Variants in TRIM46 observed in about 807,000 individuals in gnomAD.
TRIM46 encodes the protein tripartite motif-containing protein 46.
A neutral mutation model predicts 69.7 loss-of-function variants in TRIM46; 17 were observed. That is an observed-to-expected ratio of 0.24 (90% confidence interval 0.17 to 0.37). TRIM46 has a LOEUF of 0.37. Ranked by LOEUF, TRIM46 falls within the 10% of genes least tolerant of loss-of-function variation. The pLI, the probability that TRIM46 is intolerant of heterozygous loss-of-function variation, is 1.00. For synonymous variants in TRIM46, 391 were observed against 429.0 expected, an observed-to-expected ratio of 0.91 and a Z score of 1.09; for missense variants, 675 against 1,025.1, an observed-to-expected ratio of 0.66 and a Z score of 4.66.
chr1:155,176,122 C>A lies in TRIM46; in HGVS notation c.560C>A (p.Thr187Lys). ...PPPLEATKGC[T>K]ECRATFCNEC... ...CCACTAGAGGCCACCAAGGGCTGCA[C>A]AGAGTGCCGCGCCACCTTCTGCAAT... The change falls in exon 3 of 10, where the codon ACA becomes AAA. Residue 187 changes from threonine (T) to lysine (K), a missense_variant. By Grantham distance (78) the Thr-to-Lys change is moderately conservative. Coordinates refer to ENST00000334634, the MANE Select transcript of TRIM46 (RefSeq NM_025058.5). 6.2e-7 allele frequency: 1 copy of A among 1,614,126 alleles called. No homozygotes were observed. Among genetic ancestry groups the A allele is most frequent in the Non-Finnish European group, 8.5e-7 (1 of 1,180,010 alleles).
chr1:155,174,650 TG>T, intron 1 of TRIM46: 9 of 1,512,536 alleles, frequency 6.0e-6, no homozygotes, highest in Non-Finnish European at 7.9e-6. Context: ...AGGTGAGGTG[TG>T]GGGGTGGGGC....
At position 155,176,988 on chromosome 1, in the gene TRIM46, A is replaced by G. The variant is rs750279145; in HGVS notation, c.726A>G (p.Gln242=). Reference sequence around the variant, plus strand: ...TGACCCACTACTGCAAGACATGCCAACGCCTGGTATGTCAACTCTGCCGGG... The same window carrying G: ...TGACCCACTACTGCAAGACATGCCAGCGCCTGGTATGTCAACTCTGCCGGG... ...EEVTHYCKTC[Q]RLVCQLCRVR... The change falls in exon 4 of 10, where the codon CAA becomes CAG. Residue 242 remains glutamine, a synonymous_variant. Coordinates refer to ENST00000334634, the MANE Select transcript of TRIM46 (RefSeq NM_025058.5). 3 of 1,614,218 alleles carry G rather than the reference A, an allele frequency of 1.9e-6. No individual in the cohort carries two copies. The highest frequency in any genetic ancestry group is 1.6e-4 in the Middle Eastern group (1 of 6,062).
chr1:155,177,325 G>T (rs374574230), intron 5 of TRIM46, 35 bp downstream of exon 5: 21 of 1,561,234 alleles, frequency 1.3e-5, no homozygotes, highest in Non-Finnish European at 1.8e-5. Context: ...CCTGGGCCCT[G>T]CCTGGGAGTA....
chr1:155,177,023 C>T lies in TRIM46; in HGVS notation c.761C>T (p.Thr254Ile), dbSNP rs1372956244. The stretch of plus-strand genomic sequence containing the variant: ...TGTCAACTCTGCCGGGTGCGGCGCA[C>T]CCACAGCGGGCACAAGATCACACCA... Reference protein sequence around the residue: ...LVCQLCRVRRTHSGHKITPVL... With the variant: ...LVCQLCRVRRIHSGHKITPVL... Residue 254 changes from threonine to isoleucine, a missense_variant, in exon 4 of 10, where the codon ACC (threonine) becomes ATC (isoleucine). By Grantham distance (89) the Thr-to-Ile change is moderately conservative (BLOSUM62 -1). Transcript: ENST00000334634. 1.2e-6 allele frequency: 2 copies of T among 1,614,094 alleles called. No individual in the cohort carries two copies. The highest frequency in any genetic ancestry group is 1.7e-6 in the Non-Finnish European group (2 of 1,180,022).
chr1:155,183,201 T>C (rs928142572), intron 9 of TRIM46, among the ~76,000 whole-genome samples: 6 of 151,852 alleles, frequency 4.0e-5, no homozygotes, highest in African/African-American at 7.3e-5. Context: ...TGAGCCACTG[T>C]GCCTGGCCCC....
In TRIM46 at chr1:155,179,693, C is replaced by G; in HGVS notation, c.1347C>G (p.Cys449Trp). 1.2e-6 allele frequency: 2 copies of G among 1,613,406 alleles called. No individual in the cohort carries two copies. Among genetic ancestry groups the G allele is most frequent in the Non-Finnish European group, 1.7e-6 (2 of 1,179,950 alleles). ...RTFAYDQIFL[C>W]WRLPPHSPPA... ...TTGCCTATGATCAGATCTTCCTGTG[C>G]TGGCGGCTGCCCCCCCATTCACCAC... Residue 449 changes from cysteine to tryptophan, a missense_variant, in exon 8 of 10, where the codon TGC (cysteine) becomes TGG (tryptophan). By Grantham distance (215) the Cys-to-Trp change is radical. Coordinates refer to ENST00000334634, the MANE Select transcript of TRIM46 (RefSeq NM_025058.5).
Position 155,184,324 on chromosome 1 carries a change from GTC to G in TRIM46, c.*136_*137del. On this transcript the variant is annotated 3_prime_UTR_variant, in exon 10 of 10. Transcript: ENST00000334634. The surrounding 1 kb of genome is among the most constrained non-coding windows in gnomAD (Gnocchi z 5.6). The stretch of plus-strand genomic sequence containing the variant: ...CATGTGGCCCTGCTCCTTCTCCCGT[GTC>G]TGTCTTCCCACAGTTTTCTCTTGAC... 2.0e-6 allele frequency: 2 copies of G among 998,878 alleles called. No homozygotes were observed. The highest frequency in any genetic ancestry group is 2.8e-6 in the Non-Finnish European group (2 of 702,382). The allele number at this position is 998,878 out of a possible 1,614,324, so 61.9% of individuals were successfully genotyped here. A position where few individuals can be genotyped will look rare whatever the true frequency, so the allele number is the denominator to read the frequency against.
At chr1:155,176,368 CAA>C in intron 3 of TRIM46, 137 bp downstream of exon 3, 1 of 826,016 alleles carries the variant, frequency 1.2e-6, no homozygotes, top group Non-Finnish European at 1.8e-6. Context: ...TAATCTGTCA[CAA>C]AGTCACTGGA....
In TRIM46 at chr1:155,175,392, A is replaced by G; in HGVS notation, c.70A>G (p.Met24Val). The stretch of plus-strand genomic sequence containing the variant: ...CCTCCTGGTCCCTCCACAGACCAGC[A>G]TGAAGAACATGGAGAAGGAACTGCT... ...MDALVRISTS[M>V]KNMEKELLCP... The change falls in exon 2 of 10, where the codon ATG becomes GTG. Residue 24 changes from methionine to valine, a missense_variant. Coordinates refer to ENST00000334634, the MANE Select transcript of TRIM46 (RefSeq NM_025058.5). The surrounding 1 kb of genome is among the most constrained non-coding windows in gnomAD (Gnocchi z 4.2). The G allele has an allele frequency of 6.2e-7, 1 of 1,614,038 alleles. No homozygotes were observed. Among genetic ancestry groups the G allele is most frequent in the Non-Finnish European group, 8.5e-7 (1 of 1,179,946 alleles).
chr1:155,174,166 G>T, intron 1 of TRIM46, 137 bp downstream of exon 1: 3 of 1,040,674 alleles, frequency 2.9e-6, no homozygotes, highest in Non-Finnish European at 4.2e-6. Flanking sequence ...CGGCTGGGAG[G>T]GTCGGGATGC....
chr1:155,178,739 T>TTGGGGCCCCCCC, intron 7 of TRIM46, 126 bp downstream of exon 7: 17 of 1,348,412 alleles, frequency 1.3e-5, no homozygotes, highest in East Asian at 2.5e-5. Flanking sequence ...CAGCCATTCC[T>TTGGGGCCCCCCC]CCCACCCAGC....
intron 7 of TRIM46, 99 bp from the exon 8 acceptor site, chr1:155,179,533 C>G: frequency 8.9e-7 from 1 of 1,122,858 alleles, no homozygotes. Context: ...CACACTCACC[C>G]CCCCGGCTCC....
chr1:155,178,839 C>G, intron 7 of TRIM46: 2 of 1,454,440 alleles, frequency 1.4e-6, no homozygotes, highest in Non-Finnish European at 1.8e-6. Flanking sequence ...TGCTCCGGAG[C>G]ACCCCAGGCA....
rs1665820575 is a variant in TRIM46, at chr1:155,178,003, T to C, written c.911T>C (p.Val304Ala). 2 of 1,612,320 alleles carry C rather than the reference T, an allele frequency of 1.2e-6. No homozygotes were observed. Among genetic ancestry groups the C allele is most frequent in the Admixed American group, 1.7e-5 (1 of 59,978 alleles). ...CTTTGGGTGTTGCTCCCTGGGCAGGTGAGTGGTCAGCAGGCCAAGGAGGAG... is the reference window on the plus strand; with the variant it reads ...CTTTGGGTGTTGCTCCCTGGGCAGGCGAGTGGTCAGCAGGCCAAGGAGGAG... ...ELEEAVRHTE[V>A]SGQQAKEEVS... Residue 304 changes from valine (V) to alanine (A), a missense_variant and splice_region_variant, in exon 6 of 10, where the codon GTG becomes GCG. Val to Ala is a moderately conservative substitution (Grantham distance 64). Around this residue, in one of 5 missense-constraint regions of TRIM46, gnomAD observed 361 missense variants for 498.3 expected, o/e 0.72. Coordinates refer to ENST00000334634, the MANE Select transcript of TRIM46 (RefSeq NM_025058.5).
rs752842799 is a variant in TRIM46 at position 155,179,834 on chromosome 1, C to T, written c.1488C>T (p.Pro496=). 1.2e-5 allele frequency: 20 copies of T among 1,613,346 alleles called. No individual in the cohort carries two copies. The Admixed American group carries it at 1.3e-4, about 11-fold the overall frequency. The change falls in exon 8 of 10, where the codon CCC becomes CCT. Residue 496 remains proline (P), a synonymous_variant. Coordinates refer to ENST00000334634, the MANE Select transcript of TRIM46 (RefSeq NM_025058.5). ...GCACCAGTGCCCTGCTTGAGAACCC[C>T]GACACGGGCTCTGTGTATGTGCTGC... The part of the protein sequence containing the change: ...VRGTSALLEN[P]DTGSVYVLRV...
In TRIM46 at chr1:155,173,921, C is replaced by T; in HGVS notation, c.-46C>T. 2 of 1,552,064 alleles carry T rather than the reference C, an allele frequency of 1.3e-6. No individual in the cohort carries two copies. Among genetic ancestry groups the T allele is most frequent in the South Asian group, 1.2e-5 (1 of 84,422 alleles). ...CTGCATTAAGCCCGGGGTTCGCAGC[C>T]GCAGCCGGGATCGGGCACCCAGGGG... On this transcript the variant is annotated 5_prime_UTR_variant, in exon 1 of 10. Coordinates refer to ENST00000334634, the MANE Select transcript of TRIM46 (RefSeq NM_025058.5).
At chr1:155,182,419 C>T in intron 9 of TRIM46, 1 of 573,024 alleles carries the variant, frequency 1.7e-6, no homozygotes, top group South Asian at 2.3e-5. Context: ...TCCTTCCAAC[C>T]ATCTGTCACT....
Position 155,181,919 on chromosome 1 carries a change from G to C in TRIM46, c.1656G>C (p.Gln552His). 1 of 1,614,022 alleles carries C rather than the reference G, an allele frequency of 6.2e-7. No individual in the cohort carries two copies. Among genetic ancestry groups the C allele is most frequent in the South Asian group, 1.1e-5 (1 of 91,082 alleles). ...AGCGGCTGGCTATCAGCAAGGACCA[G>C]CGAGCAGTACGGAGTGTTCCAGGGC... is the stretch of plus-strand genomic sequence containing the variant. ...SRERLAISKD[Q>H]RAVRSVPGLP... The change falls in exon 9 of 10, where the codon CAG becomes CAC. Residue 552 changes from glutamine to histidine, a missense_variant. This residue lies in a region of TRIM46 where 361 missense variants were observed against 498.3 expected (regional missense o/e 0.72). Coordinates refer to ENST00000334634, the MANE Select transcript of TRIM46 (RefSeq NM_025058.5). This position sits in a 1 kb window ranked among gnomAD's most constrained non-coding sequence, Gnocchi z 4.3.
chr1:155,183,072 A>G lies in TRIM46; in HGVS notation c.1887-725A>G, dbSNP rs892828259. On this transcript the variant is annotated intron_variant, in intron 9 of 9. Coordinates refer to ENST00000334634, the MANE Select transcript of TRIM46 (RefSeq NM_025058.5). ...ACTACAGGCACCCGCCACCATGCCC[A>G]GCTAATTTTTTGTATTTTTAGTAGA... Among the ~76,000 whole-genome samples the G allele has an allele frequency of 1.5e-4, 22 of 151,644 alleles. 1 individual carries two copies. Among genetic ancestry groups the G allele is most frequent in the South Asian group, 1.0e-3 (5 of 4,794 alleles).
Sources: allele counts gnomAD v4.1 joint callset (sites outside exome capture counted in the v4.1 genomes callset), GRCh38; gene constraint gnomAD v4.1.1; regional missense constraint gnomAD v4.1.1; non-coding constraint Gnocchi (gnomAD v3.1); transcripts MANE v1.5; gene names NCBI Gene and HGNC (gene_info 2026-07-23, HGNC 2026-07-21).